Variants in LARP4 observed in about 807,000 individuals in gnomAD.
LARP4 encodes la-related protein 4.
LARP4 carries 29 observed loss-of-function variants against 92.9 expected under a neutral mutation model. That is an observed-to-expected ratio of 0.31 (90% CI 0.23 to 0.43). The LOEUF (loss-of-function observed/expected upper bound fraction) is 0.43, where lower values mean the gene tolerates loss of function less well. LARP4 is among the 20% of genes least tolerant of loss of function. LARP4 has a pLI of 1.00. For synonymous variants in LARP4, 279 were observed against 284.1 expected (o/e 0.98, Z 0.18); for missense variants, 732 against 860.0 (o/e 0.85, Z 1.86).
rs1327639363 is a variant in LARP4 at position 50,426,046 on chromosome 12, C to T, written c.19-1716C>T. Among the ~76,000 whole-genome samples the T allele has an allele frequency of 3.3e-5, 5 of 152,244 alleles. No homozygotes were observed. The South Asian group carries it at 6.2e-4, about 19-fold the overall frequency. ...TGCATCCGGTTCTGTACCTCCTCCC[C>T]GCCTCCACCCACTGTACCCAATTGT... On this transcript the variant is annotated intron_variant, in intron 1 of 15. Transcript: ENST00000398473.
rs1185874675 is a variant in LARP4, at chr12:50,461,614, A to G, written c.1334+267A>G. On this transcript the variant is annotated intron_variant, in intron 11 of 15. Transcript: ENST00000398473. ...CTCATATAAGAAAGAATAGCTTAGA[A>G]AATTAACATATCCATTTGCCTTATG... 14 of 361,418 alleles carry G rather than the reference A, an allele frequency of 3.9e-5. No individual in the cohort carries two copies. The Admixed American group carries it at 4.7e-4, about 12-fold the overall frequency. The allele number at this position is 361,418 out of a possible 1,614,324, so 22.4% of individuals were successfully genotyped here. A position where few individuals can be genotyped will look rare whatever the true frequency, so the allele number is the denominator to read the frequency against.
At position 50,437,740 on chromosome 12, in the gene LARP4, C is replaced by T; in HGVS notation, c.541C>T (p.Pro181Ser). Residue 181 changes from proline (P) to serine (S), a missense_variant, in exon 6 of 16, where the codon CCC becomes TCC. Transcript: ENST00000398473. The part of the protein sequence containing the change: ...DLILEVLRSS[P>S]MVQVDEKGEK... ...CCCTTTCTTTTAAATTTCAGCTTCT[C>T]CCATGGTACAAGTTGATGAGAAGGG... 6.3e-7 allele frequency: 1 copy of T among 1,598,256 alleles called. No individual in the cohort carries two copies. The highest frequency in any genetic ancestry group is 8.6e-7 in the Non-Finnish European group (1 of 1,167,202).
At chr12:50,463,431 A>C (rs942268360) in intron 12 of LARP4, among the ~76,000 whole-genome samples, 26 of 149,066 alleles carry the variant, frequency 1.7e-4, no homozygotes, top group Admixed American at 9.4e-4. Flanking sequence ...AAAAAAAAAA[A>C]AAAAAAAAAA....
intron 14 of LARP4, among the ~76,000 whole-genome samples, 173 bp from the exon 15 acceptor site, chr12:50,473,826 G>T: frequency 7.4e-6 from 1 of 135,140 alleles, no homozygotes; most frequent in Non-Finnish European, 1.6e-5. Flanking sequence ...GGGGGGGTGG[G>T]GGGTGCGGGG....
chr12:50,415,893 G>A (rs1946696334), intron 1 of LARP4: 1 of 151,302 alleles, frequency 6.6e-6, no homozygotes, highest in African/African-American at 2.4e-5. Flanking sequence ...TTTTGGTAGT[G>A]ATGGAGTTTT....
intron 1 of LARP4, among the ~76,000 whole-genome samples, chr12:50,419,665 C>G (rs868580746): frequency 6.6e-6 from 1 of 152,044 alleles, no homozygotes; most frequent in East Asian, 1.9e-4. Flanking sequence ...CCAGCACTTT[C>G]GGAGACCAAG....
chr12:50,447,864 C>G (rs1051634834), intron 8 of LARP4, among the ~76,000 whole-genome samples: 1 of 151,894 alleles, frequency 6.6e-6, no homozygotes, highest in Non-Finnish European at 1.5e-5. Context: ...CCACTCCCCC[C>G]CCATTTTTTT....
intron 5 of LARP4, among the ~76,000 whole-genome samples, chr12:50,436,695 C>A (rs1222496824): frequency 6.6e-6 from 1 of 152,068 alleles, no homozygotes; most frequent in Non-Finnish European, 1.5e-5. Flanking sequence ...TCTTGGTAAC[C>A]TCTTAAGAGT....
chr12:50,440,674 C>G (rs1951070011), intron 7 of LARP4, 125 bp downstream of exon 7: 1 of 591,828 alleles, frequency 1.7e-6, no homozygotes, highest in Non-Finnish European at 3.0e-6. Context: ...CTTGGTCACC[C>G]TTTTGCTTTT....
chr12:50,402,699 TA>T (rs1944093451), intron 1 of LARP4: 2 of 446,442 alleles, frequency 4.5e-6, no homozygotes, highest in Non-Finnish European at 8.9e-6. Flanking sequence ...CCCCAGAGGT[TA>T]AAGTAACTTT....
Position 50,430,478 on chromosome 12 carries a change from T to G in LARP4, c.323-17T>G, listed in dbSNP as rs1325598423. ...ACATGCTATTAACTTTTTTTCCCTC[T>G]TCTTTTCTACCATCAGGAGAAAGCA... On this transcript the variant is annotated splice_polypyrimidine_tract_variant and intron_variant, in intron 3 of 15. Transcript: ENST00000398473. The G allele has an allele frequency of 6.6e-7, 1 of 1,522,402 alleles. No homozygotes were observed. Among genetic ancestry groups the G allele is most frequent in the Admixed American group, 1.8e-5 (1 of 55,508 alleles). The allele number at this position is 1,522,402 out of a possible 1,614,324, so 94.3% of individuals were successfully genotyped here.
At chr12:50,466,056 G>A (rs58232242) in intron 12 of LARP4, among the ~76,000 whole-genome samples, 1 of 152,258 alleles carries the variant, frequency 6.6e-6, no homozygotes, top group Non-Finnish European at 1.5e-5. Flanking sequence ...TGTTCCCAAG[G>A]AAAGGATGGT....
At chr12:50,465,074 C>A (rs1173673764) in intron 12 of LARP4, among the ~76,000 whole-genome samples, 2 of 151,894 alleles carry the variant, frequency 1.3e-5, no homozygotes, top group Non-Finnish European at 2.9e-5. Flanking sequence ...GAGATTAGGC[C>A]CTGCATGGTG....
intron 10 of LARP4, among the ~76,000 whole-genome samples, chr12:50,457,510 C>G (rs7967393): frequency 0.84 from 128,259 of 152,068 alleles, 56,269 homozygotes; most frequent in East Asian, 0.98. Context: ...TCTGGCCTAA[C>G]TATTTTTAAA....
intron 13 of LARP4, among the ~76,000 whole-genome samples, chr12:50,470,662 G>A (rs1593462523): frequency 6.6e-6 from 1 of 152,110 alleles, no homozygotes; most frequent in African/African-American, 2.4e-5. Flanking sequence ...TCGAACTCCT[G>A]ACCTCAGGTG....
At chr12:50,406,147 A>C (rs878871898) in intron 1 of LARP4, among the ~76,000 whole-genome samples, 1 of 152,154 alleles carries the variant, frequency 6.6e-6, no homozygotes, top group South Asian at 2.1e-4. Context: ...CATACGACCT[A>C]GGACGCTTTA....
In LARP4 at chr12:50,431,322, A is replaced by G. The variant is rs558719982; in HGVS notation, c.398+752A>G. Among the ~76,000 whole-genome samples the G allele has an allele frequency of 9.4e-4, 143 of 152,276 alleles. 1 individual carries two copies. Among genetic ancestry groups the G allele is most frequent in the African/African-American group, 3.0e-3 (126 of 41,572 alleles). On this transcript the variant is annotated intron_variant, in intron 4 of 15. Transcript: ENST00000398473. Reference sequence around the variant, plus strand: ...GATATGCAGAGGATCTATTCTTAATATAAAGATAATGAAGTTTGCATTGGA... The same window carrying G: ...GATATGCAGAGGATCTATTCTTAATGTAAAGATAATGAAGTTTGCATTGGA...
chr12:50,477,967 G>A lies in LARP4; in HGVS notation c.*2103G>A, dbSNP rs969488191. 3.3e-5 allele frequency: 5 copies of A among 152,496 alleles called. No individual in the cohort carries two copies. Among genetic ancestry groups the A allele is most frequent in the South Asian group, 2.1e-4 (1 of 4,824 alleles). 9.4% of individuals were successfully genotyped at this position (152,496 alleles called of 1,614,324 possible). On this transcript the variant is annotated 3_prime_UTR_variant, in exon 16 of 16. Coordinates refer to ENST00000398473, the MANE Select transcript of LARP4 (RefSeq NM_052879.5). ...TTGGATTTCAGAGAATAAACATTTTGTAAAAATCACTTGGTAAGGATTATA... is the reference window on the plus strand; with the variant it reads ...TTGGATTTCAGAGAATAAACATTTTATAAAAATCACTTGGTAAGGATTATA...
chr12:50,453,833 A>C (rs558996839), intron 9 of LARP4, among the ~76,000 whole-genome samples, 161 bp downstream of exon 9: 200 of 151,916 alleles, frequency 1.3e-3, no homozygotes, highest in African/African-American at 4.8e-3. Context: ...GAATTTTGCC[A>C]TGTTGCCCAG....
Sources: gnomAD v4.1 joint callset for allele counts (sites outside exome capture counted in the v4.1 genomes callset) on GRCh38, gnomAD v4.1.1 for gene constraint, MANE v1.5 for transcripts, NCBI Gene and HGNC (gene_info 2026-07-23, HGNC 2026-07-21) for gene names.